Variants in PTCHD4 observed in about 807,000 individuals in gnomAD.
PTCHD4 encodes patched domain containing 4.
Under a neutral mutation model 58.1 loss-of-function variants are expected in PTCHD4, and 33 were observed. The observed-to-expected ratio is 0.57, with a 90% confidence interval of 0.43 to 0.76. The LOEUF (loss-of-function observed/expected upper bound fraction) is 0.76, where lower values mean the gene tolerates loss of function less well. PTCHD4 is among the 30% of genes least tolerant of loss of function. PTCHD4 has a pLI of 0.00. For missense variants in PTCHD4, 1,058 were observed against 1,027.1 expected (o/e 1.03, Z -0.41); for synonymous variants, 478 against 409.6 (o/e 1.17, Z -2.02).
At chr6:48,011,930 A>T (rs1447050831) in intron 3 of PTCHD4, among the ~76,000 whole-genome samples, 1 of 152,104 alleles carries the variant, frequency 6.6e-6, no homozygotes, top group Non-Finnish European at 1.5e-5. Flanking sequence ...CTATTGGTCT[A>T]TATATCTGTT....
At chr6:48,070,554 G>A (rs144305493) in intron 1 of PTCHD4, among the ~76,000 whole-genome samples, 1 of 152,276 alleles carries the variant, frequency 6.6e-6, no homozygotes, top group East Asian at 1.9e-4. Flanking sequence ...AAGTGACCTT[G>A]GCGGCCATTC....
chr6:47,889,563 AT>A (rs1474923704), intron 4 of PTCHD4, among the ~76,000 whole-genome samples: 1 of 152,114 alleles, frequency 6.6e-6, no homozygotes, highest in African/African-American at 2.4e-5. Context: ...ATCTACAACT[AT>A]CTGATCTTTG....
Position 47,932,366 on chromosome 6 carries a change from A to C in PTCHD4, c.899-52430T>G, listed in dbSNP as rs114989894. On this transcript the variant is annotated intron_variant, in intron 4 of 4. Transcript: ENST00000339488. ...GACAAAGGAAAGAATGTTTGTCAAG[A>C]GCAAAGATGGGGGCTAGAGGTGGAA... Among the ~76,000 whole-genome samples, 852 of 152,318 alleles carry C rather than the reference A, an allele frequency of 5.6e-3. 10 individuals are homozygous for C. Among genetic ancestry groups the C allele is most frequent in the African/African-American group, 0.017 (690 of 41,564 alleles).
intron 4 of PTCHD4, among the ~76,000 whole-genome samples, chr6:47,966,854 C>T (rs1410334028): frequency 3.0e-4 from 45 of 152,224 alleles, no homozygotes; most frequent in Non-Finnish European, 1.2e-4. Context: ...TTGATATTTC[C>T]ACCACATCTA....
In PTCHD4 at chr6:48,008,748, C is replaced by T; in HGVS notation, c.784G>A (p.Gly262Ser). Residue 262 changes from glycine to serine, a missense_variant, in exon 4 of 5, where the codon GGC becomes AGC. Transcript: ENST00000339488. ...KDCLRSKPFL[G>S]LLGVLTVCIS... is the part of the protein sequence containing the mutation. ...CATACTGTGAGCACCCCCAGGAGGCCCAGGAAGGGCTTACTGCGCAAGCAG... is the reference window on the plus strand; with the variant it reads ...CATACTGTGAGCACCCCCAGGAGGCTCAGGAAGGGCTTACTGCGCAAGCAG... 6.2e-7 allele frequency: 1 copy of T among 1,613,902 alleles called. No individual in the cohort carries two copies. The highest frequency in any genetic ancestry group is 8.5e-7 in the Non-Finnish European group (1 of 1,179,884).
rs1211402905 is a variant in PTCHD4, at chr6:47,887,055, T to TA, written c.899-7120dup. Among the ~76,000 whole-genome samples, 15 of 152,300 alleles carry TA rather than the reference T, an allele frequency of 9.8e-5. 1 individual carries two copies. In the East Asian group the frequency reaches 2.9e-3, roughly 29 times the overall value. On this transcript the variant is annotated intron_variant, in intron 4 of 4. Transcript: ENST00000339488. Reference sequence around the variant, plus strand: ...CACTTTTGTATATTAATTATTGGCTTATGGTAAATGCTCAATAAATGTTTT... The same window carrying TA: ...CACTTTTGTATATTAATTATTGGCTTAATGGTAAATGCTCAATAAATGTTTT...
At chr6:47,965,436 A>T (rs1276461929) in intron 4 of PTCHD4, among the ~76,000 whole-genome samples, 1 of 152,192 alleles carries the variant, frequency 6.6e-6, no homozygotes, top group Non-Finnish European at 1.5e-5. Flanking sequence ...CTTTAAAAAG[A>T]TCTCAGAAAA....
At chr6:48,003,180 G>C (rs1280171055) in intron 4 of PTCHD4, among the ~76,000 whole-genome samples, 3 of 152,000 alleles carry the variant, frequency 2.0e-5, no homozygotes, top group Non-Finnish European at 2.9e-5. Context: ...TGATCTCATT[G>C]GATTCTATGG....
At chr6:48,086,355 T>C (rs1287936081) in intron 1 of PTCHD4, among the ~76,000 whole-genome samples, 2 of 152,192 alleles carry the variant, frequency 1.3e-5, no homozygotes, top group Non-Finnish European at 2.9e-5. Context: ...TCTTAGTTCA[T>C]TATTTATAAA....
At chr6:47,891,912 T>A (rs972194409) in intron 4 of PTCHD4, among the ~76,000 whole-genome samples, 1 of 152,200 alleles carries the variant, frequency 6.6e-6, no homozygotes, top group African/African-American at 2.4e-5. Context: ...GATTTATAAG[T>A]AAGTTTCATT....
At chr6:48,034,402 G>T (rs536610014) in intron 3 of PTCHD4, among the ~76,000 whole-genome samples, 1 of 152,038 alleles carries the variant, frequency 6.6e-6, no homozygotes, top group Non-Finnish European at 1.5e-5. Context: ...TGGGGCATTT[G>T]GGTGTGGGCC....
At chr6:47,992,620 A>G (rs1347939550) in intron 4 of PTCHD4, among the ~76,000 whole-genome samples, 1 of 152,202 alleles carries the variant, frequency 6.6e-6, no homozygotes, top group Admixed American at 6.5e-5. Flanking sequence ...ATGCATAATA[A>G]CATATATACA....
chr6:48,028,973 A>C (rs1763342738), intron 3 of PTCHD4, among the ~76,000 whole-genome samples: 1 of 152,114 alleles, frequency 6.6e-6, no homozygotes, highest in Non-Finnish European at 1.5e-5. Context: ...TTATATGGGA[A>C]GCACTGTCAA....
intron 4 of PTCHD4, among the ~76,000 whole-genome samples, chr6:47,953,591 A>G (rs912611475): frequency 1.3e-5 from 2 of 152,196 alleles, no homozygotes; most frequent in Non-Finnish European, 2.9e-5. Context: ...TTAGAATCAG[A>G]TTATAAAGAA....
chr6:47,862,004 C>G lies in PTCHD4; in HGVS notation c.*16299G>C, dbSNP rs948670606. On this transcript the variant is annotated 3_prime_UTR_variant, in exon 5 of 5. Transcript: ENST00000339488. ...AGTTATTCTCTTTGTCGACTTTTAG[C>G]TGTGACTTCCTATTATTGAACATAA... Among the ~76,000 whole-genome samples the G allele has an allele frequency of 1.3e-5, 2 of 151,868 alleles. No homozygotes were observed. The highest frequency in any genetic ancestry group is 2.9e-5 in the Non-Finnish European group (2 of 67,862).
chr6:48,020,675 CATAA>C (rs1257843757), intron 3 of PTCHD4, among the ~76,000 whole-genome samples: 7 of 151,918 alleles, frequency 4.6e-5, no homozygotes, highest in Non-Finnish European at 8.8e-5. Context: ...AGACAAAGCA[CATAA>C]ATAAAATGCT....
intron 4 of PTCHD4, among the ~76,000 whole-genome samples, chr6:47,990,191 A>G (rs1768227980): frequency 6.6e-6 from 1 of 152,196 alleles, no homozygotes; most frequent in African/African-American, 2.4e-5. Flanking sequence ...TTGTATCTAG[A>G]AAGTAACCAG....
chr6:48,029,210 T>C (rs1197310178), intron 3 of PTCHD4, among the ~76,000 whole-genome samples: 1 of 152,140 alleles, frequency 6.6e-6, no homozygotes, highest in Non-Finnish European at 1.5e-5. Flanking sequence ...TTAAATCTGT[T>C]GTCACTACAG....
chr6:47,916,667 A>G (rs964453161), intron 4 of PTCHD4, among the ~76,000 whole-genome samples: 1 of 151,950 alleles, frequency 6.6e-6, no homozygotes, highest in Non-Finnish European at 1.5e-5. Flanking sequence ...ACACACACAA[A>G]CACACACACA....
Sources: gnomAD v4.1 joint callset for allele counts (sites outside exome capture counted in the v4.1 genomes callset) on GRCh38, gnomAD v4.1.1 for gene constraint, MANE v1.5 for transcripts, NCBI Gene and HGNC (gene_info 2026-07-23, HGNC 2026-07-21) for gene names.